DNM2: variants seen among roughly 807,000 people sequenced by gnomAD.
DNM2 encodes the protein dynamin 2.
In DNM2, 15 loss-of-function variants were observed where a neutral mutation model predicts 99.0. The observed-to-expected ratio is 0.15, with a 90% confidence interval of 0.10 to 0.23. The LOEUF (loss-of-function observed/expected upper bound fraction) is 0.23, where lower values mean the gene tolerates loss of function less well. Among genes scored for constraint, DNM2 ranks in the 10% least tolerant of loss-of-function variants. The pLI is 1.00. For synonymous variants in DNM2, 525 were observed against 481.2 expected (o/e 1.09, Z -1.19); for missense variants, 742 against 1,189.4 (o/e 0.62, Z 5.53).
intron 1 of DNM2, among the ~76,000 whole-genome samples, chr19:10,756,735 G>A (rs898184458): frequency 2.0e-5 from 3 of 152,042 alleles, no homozygotes; most frequent in African/African-American, 7.2e-5. Context: ...GCTCCCCTCT[G>A]TCTTGCCTCC....
At chr19:10,829,786 G>A (rs1478892606) in intron 19 of DNM2, among the ~76,000 whole-genome samples, 3 of 152,162 alleles carry the variant, frequency 2.0e-5, no homozygotes, top group Non-Finnish European at 4.4e-5. Flanking sequence ...CAGGTGGCAG[G>A]GACTGAGGCC....
chr19:10,759,611 C>G (rs1398099429), intron 1 of DNM2, 127 bp from the exon 2 acceptor site: 4 of 1,096,188 alleles, frequency 3.6e-6, no homozygotes, highest in Non-Finnish European at 5.6e-6. Flanking sequence ...CAGGGCCCAG[C>G]TGGGGTTGGT....
At chr19:10,780,207 C>T (rs2071319621) in intron 5 of DNM2, 1 of 153,194 alleles carries the variant, frequency 6.5e-6, no homozygotes, top group African/African-American at 2.4e-5. Flanking sequence ...GGGCTAAATT[C>T]AAAACCCTGT....
chr19:10,802,064 C>T (rs975354275), intron 11 of DNM2, among the ~76,000 whole-genome samples: 3 of 152,138 alleles, frequency 2.0e-5, no homozygotes, highest in Non-Finnish European at 4.4e-5. Flanking sequence ...GGGACAGCGG[C>T]CCTGCCTGTG....
chr19:10,814,235 C>G (rs2072656515), intron 15 of DNM2, among the ~76,000 whole-genome samples: 1 of 152,138 alleles, frequency 6.6e-6, no homozygotes, highest in South Asian at 2.1e-4. Context: ...GAGGCCAAGG[C>G]AGACAGATCA....
chr19:10,773,464 T>G (rs1211559925), intron 3 of DNM2, among the ~76,000 whole-genome samples: 1 of 150,170 alleles, frequency 6.7e-6, no homozygotes, highest in African/African-American at 2.5e-5. Context: ...TTTTTTTTTT[T>G]TTGAGACAGA....
At chr19:10,771,511 A>C (rs2070978922) in intron 2 of DNM2, among the ~76,000 whole-genome samples, 1 of 145,572 alleles carries the variant, frequency 6.9e-6, no homozygotes, top group Non-Finnish European at 1.5e-5. Flanking sequence ...AGCTCTGAGG[A>C]GGCGGCAGGG....
chr19:10,815,887 C>T (rs62131825), intron 15 of DNM2, among the ~76,000 whole-genome samples: 4,456 of 152,242 alleles, frequency 0.029, 105 homozygotes, highest in Non-Finnish European at 0.047. Flanking sequence ...AGAGAGAAGG[C>T]AGGCTGGGGG....
At chr19:10,808,324 C>T (rs964436599) in intron 13 of DNM2, among the ~76,000 whole-genome samples, 2 of 151,994 alleles carry the variant, frequency 1.3e-5, no homozygotes, top group East Asian at 1.9e-4. Context: ...TTGCGCTTGC[C>T]GTAGGTAATA....
intron 2 of DNM2, among the ~76,000 whole-genome samples, chr19:10,771,960 A>G (rs1401106939): frequency 6.6e-6 from 1 of 152,186 alleles, no homozygotes; most frequent in African/African-American, 2.4e-5. Context: ...TATTCAGTCT[A>G]TAGGAACCCC....
At position 10,772,509 on chromosome 19, in the gene DNM2, A is replaced by G. The variant is rs1340636700; in HGVS notation, c.266A>G (p.Lys89Arg). The change falls in exon 3 of 21, where the codon AAA (lysine) becomes AGA (arginine). Residue 89 changes from lysine to arginine, a missense_variant. By Grantham distance (26) the Lys-to-Arg change is conservative. Transcript: ENST00000389253. The surrounding 1 kb of genome is among the most constrained non-coding windows in gnomAD (Gnocchi z 4.9). The stretch of plus-strand genomic sequence containing the variant: ...GCCGAGTTTTTGCACTGCAAGTCCA[A>G]AAAGTTTACAGACTTTGATGAAGTC... ...EHAEFLHCKS[K>R]KFTDFDEVRQ... The G allele has an allele frequency of 1.9e-6, 3 of 1,613,988 alleles. No individual in the cohort carries two copies. Among genetic ancestry groups the G allele is most frequent in the African/African-American group, 1.3e-5 (1 of 74,898 alleles).
chr19:10,737,816 C>G (rs972736950), intron 1 of DNM2, among the ~76,000 whole-genome samples: 13 of 152,192 alleles, frequency 8.5e-5, no homozygotes, highest in Non-Finnish European at 1.2e-4. Context: ...TGTCTCCCCC[C>G]ACTAGAAGGG....
intron 12 of DNM2, among the ~76,000 whole-genome samples, chr19:10,804,684 TCTCAAAAA>T (rs2072273356): frequency 6.6e-6 from 1 of 152,096 alleles, no homozygotes; most frequent in Non-Finnish European, 1.5e-5. Context: ...TGAGACTCTG[TCTCAAAAA>T]TAAATAAGTA....
intron 1 of DNM2, among the ~76,000 whole-genome samples, chr19:10,741,256 G>A (rs1035065355): frequency 8.6e-5 from 13 of 151,880 alleles, no homozygotes; most frequent in Non-Finnish European, 1.3e-4. Flanking sequence ...TTGGAGACAC[G>A]GTCTTGCTCT....
In DNM2 at chr19:10,831,891, G is replaced by A. The variant is rs535393826; in HGVS notation, c.*844G>A. 1.3e-4 allele frequency: 134 copies of A among 1,029,004 alleles called. No individual in the cohort carries two copies. Among genetic ancestry groups the A allele is most frequent in the Non-Finnish European group, 1.5e-4 (131 of 855,642 alleles). 63.7% of individuals were successfully genotyped at this position (1,029,004 alleles called of 1,614,324 possible). A position where few individuals can be genotyped will look rare whatever the true frequency, so the allele number is the denominator to read the frequency against. ...TATTAATAAACTAAAATAAAGGGAAGACGCTGCTGGTGGCTGCTGTGTGGG... is the reference window on the plus strand; with the variant it reads ...TATTAATAAACTAAAATAAAGGGAAAACGCTGCTGGTGGCTGCTGTGTGGG... On this transcript the variant is annotated 3_prime_UTR_variant, in exon 21 of 21. Coordinates refer to ENST00000389253, the MANE Select transcript of DNM2 (RefSeq NM_001005361.3). This position sits in a 1 kb window ranked among gnomAD's most constrained non-coding sequence, Gnocchi z 4.3.
intron 1 of DNM2, 22 bp downstream of exon 1, chr19:10,718,425 C>A: frequency 7.0e-7 from 1 of 1,433,534 alleles, no homozygotes; most frequent in Non-Finnish European, 9.2e-7. Flanking sequence ...CGGCAGGGAT[C>A]GCGGGCGGGT....
rs963746677 is a variant in DNM2, at chr19:10,764,887, G to C, written c.235+5076G>C. The stretch of plus-strand genomic sequence containing the variant: ...ACCTGCCACTGTCTGCTGCTCACCC[G>C]CACCTGGTCACTTGCCGCCTTCGTT... On this transcript the variant is annotated intron_variant, in intron 2 of 20. Transcript: ENST00000389253. The surrounding 1 kb of genome is among the most constrained non-coding windows in gnomAD (Gnocchi z 4.1). Among the ~76,000 whole-genome samples, 1 of 151,910 alleles carries C rather than the reference G, an allele frequency of 6.6e-6. No individual in the cohort carries two copies. Among genetic ancestry groups the C allele is most frequent in the African/African-American group, 2.4e-5 (1 of 41,330 alleles).
intron 7 of DNM2, among the ~76,000 whole-genome samples, chr19:10,793,450 C>T (rs576517661): frequency 3.3e-4 from 51 of 152,306 alleles, no homozygotes; most frequent in African/African-American, 1.2e-3. Context: ...CTGAACTTCA[C>T]TCCTGTCTTC....
At chr19:10,731,573 C>T (rs1224779388) in intron 1 of DNM2, among the ~76,000 whole-genome samples, 10 of 152,042 alleles carry the variant, frequency 6.6e-5, no homozygotes, top group Non-Finnish European at 1.3e-4. Flanking sequence ...AGGCTGGTCT[C>T]GAACTCCTGG....
Sources: gnomAD v4.1 joint callset for allele counts (sites outside exome capture counted in the v4.1 genomes callset) on GRCh38, gnomAD v4.1.1 for gene constraint, Gnocchi (gnomAD v3.1) non-coding constraint, MANE v1.5 for transcripts, NCBI Gene and HGNC (gene_info 2026-07-23, HGNC 2026-07-21) for gene names.